Variants in ZMAT4 observed in about 807,000 individuals in gnomAD.
ZMAT4 encodes the protein zinc finger matrin-type protein 4.
A neutral mutation model predicts 28.7 loss-of-function variants in ZMAT4; 17 were observed. The observed-to-expected ratio is 0.59, with a 90% CI of 0.41 to 0.89. The LOEUF (loss-of-function observed/expected upper bound fraction) is 0.89. Among genes scored for constraint, ZMAT4 ranks in the 40% least tolerant of loss-of-function variants. The pLI is 0.00. For synonymous variants in ZMAT4, 117 were observed against 109.2 expected, an observed-to-expected ratio of 1.07 and a Z score of -0.44; for missense variants, 240 against 283.8, an observed-to-expected ratio of 0.85 and a Z score of 1.11.
At chr8:40,645,083 A>T (rs1267948002) in intron 5 of ZMAT4, among the ~76,000 whole-genome samples, 1 of 152,204 alleles carries the variant, frequency 6.6e-6, no homozygotes, top group Non-Finnish European at 1.5e-5. Context: ...GACACTCAGT[A>T]AAAATTAAGG....
intron 5 of ZMAT4, among the ~76,000 whole-genome samples, chr8:40,633,329 CAG>C (rs2118733467): frequency 6.6e-6 from 1 of 152,266 alleles, no homozygotes; most frequent in East Asian, 1.9e-4. Flanking sequence ...TCTCCCAGGG[CAG>C]AAACACCTCT....
chr8:40,542,056 G>T (rs1048248997), intron 6 of ZMAT4, among the ~76,000 whole-genome samples: 1 of 152,196 alleles, frequency 6.6e-6, no homozygotes, highest in Admixed American at 6.5e-5. Flanking sequence ...AGTATGTTTT[G>T]TTGGGGGGAG....
chr8:40,754,203 G>A (rs1346243934), intron 3 of ZMAT4, among the ~76,000 whole-genome samples: 1 of 151,978 alleles, frequency 6.6e-6, no homozygotes, highest in Non-Finnish European at 1.5e-5. Flanking sequence ...TTAACAAATG[G>A]CATGCAAACA....
intron 2 of ZMAT4, among the ~76,000 whole-genome samples, chr8:40,778,565 G>T (rs1305594108): frequency 2.0e-5 from 3 of 151,970 alleles, no homozygotes; most frequent in African/African-American, 7.2e-5. Flanking sequence ...CGGGAAAACA[G>T]AAATTTTTTC....
intron 2 of ZMAT4, among the ~76,000 whole-genome samples, chr8:40,824,714 A>G (rs1815965176): frequency 6.7e-6 from 1 of 148,882 alleles, no homozygotes; most frequent in South Asian, 2.2e-4. Context: ...AAAAGAAAGA[A>G]TGAAAGAAAG....
At chr8:40,663,740 G>C (rs1023679384) in intron 5 of ZMAT4, among the ~76,000 whole-genome samples, 1 of 152,126 alleles carries the variant, frequency 6.6e-6, no homozygotes, top group African/African-American at 2.4e-5. Flanking sequence ...TGTAATCTAA[G>C]CTGAGTATTT....
At chr8:40,687,329 G>C (rs1809453335) in intron 4 of ZMAT4, among the ~76,000 whole-genome samples, 1 of 152,138 alleles carries the variant, frequency 6.6e-6, no homozygotes, top group South Asian at 2.1e-4. Flanking sequence ...GAGCTTAAGG[G>C]AGCTGATCCC....
In ZMAT4 at chr8:40,895,880, A is replaced by C. The variant is rs184582923; in HGVS notation, c.-5+1803T>G. 2.9e-3 allele frequency among the ~76,000 whole-genome samples: 449 copies of C among 152,316 alleles called. 3 individuals carry two copies. Among genetic ancestry groups the C allele is most frequent in the African/African-American group, 9.9e-3 (413 of 41,578 alleles). ...GCCCCTCCTGGGCTCCCTGGGGGTC[A>C]CGTGCCCTGGAGAGGCCACAGAGGA... is the stretch of plus-strand genomic sequence containing the variant. On this transcript the variant is annotated intron_variant, in intron 1 of 6. Transcript: ENST00000297737.
intron 1 of ZMAT4, among the ~76,000 whole-genome samples, chr8:40,886,953 C>T (rs959648885): frequency 6.6e-5 from 10 of 151,916 alleles, no homozygotes; most frequent in African/African-American, 7.3e-5. Flanking sequence ...GGGCAGAACA[C>T]GAGGTCAGGA....
intron 5 of ZMAT4, among the ~76,000 whole-genome samples, chr8:40,606,198 A>G (rs965037115): frequency 1.3e-5 from 2 of 152,172 alleles, no homozygotes; most frequent in African/African-American, 2.4e-5. Context: ...GATGAGAGGT[A>G]CTATTCTCTT....
intron 2 of ZMAT4, among the ~76,000 whole-genome samples, chr8:40,817,284 C>A (rs952383377): frequency 6.6e-6 from 1 of 152,124 alleles, no homozygotes; most frequent in African/African-American, 2.4e-5. Flanking sequence ...TAATATTCTG[C>A]AAGCCTTAAA....
intron 4 of ZMAT4, among the ~76,000 whole-genome samples, chr8:40,692,614 G>C (rs556913422): frequency 6.6e-6 from 1 of 152,140 alleles, no homozygotes; most frequent in South Asian, 2.1e-4. Flanking sequence ...AAAGCAAATG[G>C]GTGTCTGATA....
intron 4 of ZMAT4, 78 bp downstream of exon 4, chr8:40,697,167 G>A: frequency 6.9e-7 from 1 of 1,458,600 alleles, no homozygotes; most frequent in Non-Finnish European, 9.1e-7. Context: ...AACTGCGTCT[G>A]AAGGAGGAGC....
intron 6 of ZMAT4, among the ~76,000 whole-genome samples, chr8:40,549,105 C>T (rs1803289685): frequency 6.6e-6 from 1 of 152,074 alleles, no homozygotes; most frequent in African/African-American, 2.4e-5. Context: ...TTAAAGGAAC[C>T]CTTTTGCCCC....
intron 3 of ZMAT4, among the ~76,000 whole-genome samples, chr8:40,714,336 T>A (rs1185151961): frequency 6.6e-6 from 1 of 152,234 alleles, no homozygotes; most frequent in Non-Finnish European, 1.5e-5. Context: ...CTTACAATAC[T>A]GAAGTTAATA....
intron 5 of ZMAT4, among the ~76,000 whole-genome samples, chr8:40,672,312 GGT>G (rs1445445203): frequency 6.6e-6 from 1 of 151,844 alleles, no homozygotes; most frequent in East Asian, 1.9e-4. Flanking sequence ...GGAATAGAGG[GGT>G]GTGTGTGTGG....
At chr8:40,554,061 T>G (rs533363265) in intron 6 of ZMAT4, among the ~76,000 whole-genome samples, 8 of 152,270 alleles carry the variant, frequency 5.3e-5, no homozygotes, top group Non-Finnish European at 1.0e-4. Flanking sequence ...TCATATCATA[T>G]CATATCATAG....
intron 6 of ZMAT4, among the ~76,000 whole-genome samples, chr8:40,571,039 G>A (rs749996489): frequency 5.3e-5 from 8 of 152,040 alleles, no homozygotes; most frequent in African/African-American, 1.9e-4. Flanking sequence ...TCATCAGCTC[G>A]GAACCATTCT....
chr8:40,764,616 G>T (rs1193829123), intron 3 of ZMAT4, among the ~76,000 whole-genome samples: 1 of 152,122 alleles, frequency 6.6e-6, no homozygotes, highest in African/African-American at 2.4e-5. Context: ...TTAACACTGG[G>T]ATGCAAACCT....
Sources: allele counts gnomAD v4.1 joint callset (sites outside exome capture counted in the v4.1 genomes callset), GRCh38; gene constraint gnomAD v4.1.1; transcripts MANE v1.5; gene names NCBI Gene and HGNC (gene_info 2026-07-23, HGNC 2026-07-21).